The following ST7 variants were observed in gnomAD, a reference collection of about 807,000 sequenced individuals.
ST7 encodes suppressor of tumorigenicity 7 protein.
ST7 carries 28 observed loss-of-function variants against 78.7 expected under a neutral mutation model. That is an observed-to-expected ratio of 0.36 (90% CI 0.26 to 0.49). The LOEUF (loss-of-function observed/expected upper bound fraction) is 0.49. Ranked by LOEUF, ST7 falls within the 20% of genes least tolerant of loss-of-function variation. ST7 has a pLI of 0.99. For missense variants in ST7, 418 were observed against 696.0 expected, an observed-to-expected ratio of 0.60 and a Z score of 4.49; for synonymous variants, 247 against 249.6, an observed-to-expected ratio of 0.99 and a Z score of 0.10.
At chr7:117,128,333 T>G (rs1804036946) in intron 3 of ST7, 1 of 151,832 alleles carries the variant, frequency 6.6e-6, no homozygotes, top group Non-Finnish European at 1.5e-5. Context: ...GTCAAGGTGT[T>G]AGTGATTCCT....
At chr7:116,962,147 T>G (rs1585047373) in intron 1 of ST7, among the ~76,000 whole-genome samples, 2 of 152,320 alleles carry the variant, frequency 1.3e-5, no homozygotes, top group East Asian at 3.9e-4. Flanking sequence ...TAGTATTCCA[T>G]GGTGTACGTG....
Position 116,979,958 on chromosome 7 carries a change from C to CTTTTTTTTTTTT in ST7, c.151+26273_151+26284dup, listed in dbSNP as rs745530832. On this transcript the variant is annotated intron_variant, in intron 1 of 15. Transcript: ENST00000323984. ...CCTTTTTTCTTTTTCTTTTGTTTCT[C>CTTTTTTTTTTTT]TTTTTTTTTTTTTTTTTGGAGACAG... Among the ~76,000 whole-genome samples the CTTTTTTTTTTTT allele has an allele frequency of 2.1e-3, 183 of 86,246 alleles. 10 individuals are homozygous for CTTTTTTTTTTTT. Among genetic ancestry groups the CTTTTTTTTTTTT allele is most frequent in the African/African-American group, 3.0e-3 (68 of 22,520 alleles). The allele number at this position is 86,246 out of a possible 152,430, so 56.6% of individuals were successfully genotyped here. A position where few individuals can be genotyped will look rare whatever the true frequency, so the allele number is the denominator to read the frequency against.
At chr7:117,079,006 A>G (rs1244550402) in intron 1 of ST7, among the ~76,000 whole-genome samples, 1 of 152,212 alleles carries the variant, frequency 6.6e-6, no homozygotes, top group Admixed American at 6.5e-5. Flanking sequence ...ATGCACTGAA[A>G]CAAATGCCGT....
intron 1 of ST7, among the ~76,000 whole-genome samples, chr7:116,973,981 T>C (rs1793570034): frequency 6.6e-6 from 1 of 152,204 alleles, no homozygotes; most frequent in Admixed American, 6.5e-5. Flanking sequence ...GTTTGGAAAT[T>C]TGTGGGGGAC....
intron 1 of ST7, chr7:116,955,151 C>T (rs1183611057): frequency 2.1e-5 from 10 of 470,376 alleles, no homozygotes; most frequent in Non-Finnish European, 4.0e-5. Flanking sequence ...TCGCTTTAGA[C>T]AAGTATGTCT....
intron 1 of ST7, among the ~76,000 whole-genome samples, chr7:117,087,270 G>C (rs1045786242): frequency 1.3e-5 from 2 of 152,172 alleles, no homozygotes; most frequent in Non-Finnish European, 2.9e-5. Context: ...TTAATAAAAA[G>C]TGTAAAAATC....
chr7:117,004,323 T>C (rs766461694), intron 1 of ST7, among the ~76,000 whole-genome samples: 2 of 152,220 alleles, frequency 1.3e-5, no homozygotes, highest in Non-Finnish European at 2.9e-5. Context: ...TGGCTCTGAA[T>C]TGTACCATTT....
At chr7:117,177,713 T>G (rs1042699223) in intron 10 of ST7, among the ~76,000 whole-genome samples, 1 of 152,228 alleles carries the variant, frequency 6.6e-6, no homozygotes, top group Non-Finnish European at 1.5e-5. Context: ...TTTTTGAGAT[T>G]CTTGTATATC....
chr7:117,122,516 A>G (rs1207965932), intron 3 of ST7, among the ~76,000 whole-genome samples: 2 of 152,214 alleles, frequency 1.3e-5, no homozygotes, highest in East Asian at 3.8e-4. Context: ...AATATTATCT[A>G]CCAGTATTCA....
At chr7:117,102,075 A>C (rs1175625204) in intron 2 of ST7, among the ~76,000 whole-genome samples, 1 of 152,274 alleles carries the variant, frequency 6.6e-6, no homozygotes, top group Admixed American at 6.5e-5. Context: ...CCATAAAGCT[A>C]TAAAGCTGGT....
chr7:116,984,113 C>CTGTGTGTG lies in ST7; in HGVS notation c.151+30446_151+30453dup, dbSNP rs56178812. The stretch of plus-strand genomic sequence containing the variant: ...TCCAGTTTGCACGTATTTATGTCAG[C>CTGTGTGTG]TGTGTGTGTGTGTGTGTGTGTGTGT... On this transcript the variant is annotated intron_variant, in intron 1 of 15. Transcript: ENST00000323984. 5.3e-3 allele frequency among the ~76,000 whole-genome samples: 760 copies of CTGTGTGTG among 144,750 alleles called. 5 individuals are homozygous for CTGTGTGTG. The highest frequency in any genetic ancestry group is 0.016 in the African/African-American group (638 of 39,564). The allele number at this position is 144,750 out of a possible 152,430, so 95.0% of individuals were successfully genotyped here.
chr7:117,134,026 C>A, intron 6 of ST7, 98 bp from the exon 7 acceptor site: 1 of 1,487,320 alleles, frequency 6.7e-7, no homozygotes, highest in Admixed American at 2.1e-5. Flanking sequence ...TCCACCTTCC[C>A]CTCTTTGATT....
chr7:117,212,600 A>G (rs1792382214), intron 13 of ST7, among the ~76,000 whole-genome samples: 1 of 152,232 alleles, frequency 6.6e-6, no homozygotes, highest in African/African-American at 2.4e-5. Context: ...CCAATTTTAT[A>G]AAATAAATAA....
intron 1 of ST7, among the ~76,000 whole-genome samples, chr7:117,039,911 C>T (rs1369492893): frequency 6.6e-6 from 1 of 152,126 alleles, no homozygotes; most frequent in African/African-American, 2.4e-5. Context: ...AAATCTTGGA[C>T]AGGTGTCCCA....
chr7:117,024,631 A>G (rs1285650345), intron 1 of ST7, among the ~76,000 whole-genome samples: 1 of 152,198 alleles, frequency 6.6e-6, no homozygotes, highest in African/African-American at 2.4e-5. Context: ...AAGAACATCT[A>G]GAGCATCTGT....
intron 1 of ST7, among the ~76,000 whole-genome samples, chr7:117,094,972 G>A (rs1321675336): frequency 6.6e-6 from 1 of 151,922 alleles, no homozygotes; most frequent in Non-Finnish European, 1.5e-5. Flanking sequence ...AAGGAACACG[G>A]CACAAAGCAC....
chr7:117,155,585 C>T (rs953880072), intron 9 of ST7, among the ~76,000 whole-genome samples: 6 of 152,148 alleles, frequency 3.9e-5, no homozygotes, highest in Non-Finnish European at 5.9e-5. Context: ...TGTATCTCAA[C>T]GCCCTACCCT....
chr7:117,088,475 T>G (rs561919459), intron 1 of ST7, among the ~76,000 whole-genome samples: 142 of 152,346 alleles, frequency 9.3e-4, no homozygotes, highest in African/African-American at 3.3e-3. Context: ...TTAATATTCT[T>G]CTTACATTTC....
intron 9 of ST7, among the ~76,000 whole-genome samples, chr7:117,147,938 C>T (rs1348066069): frequency 6.6e-6 from 1 of 152,024 alleles, no homozygotes; most frequent in Admixed American, 6.6e-5. Context: ...TGGTCACTTC[C>T]CCTGAGGCCT....
Sources: gnomAD v4.1 joint callset for allele counts (sites outside exome capture counted in the v4.1 genomes callset) on GRCh38, gnomAD v4.1.1 for gene constraint, MANE v1.5 for transcripts, NCBI Gene and HGNC (gene_info 2026-07-23, HGNC 2026-07-21) for gene names.